The following CAST variants were observed in gnomAD, a reference collection of about 807,000 sequenced individuals.
CAST encodes the protein MIR583 host.
In CAST, 76 loss-of-function variants were observed where a neutral mutation model predicts 119.6. The ratio of observed to expected loss-of-function variants is 0.64; its 90% CI spans 0.53 to 0.77. The LOEUF (loss-of-function observed/expected upper bound fraction) is 0.77. Among genes scored for constraint, CAST ranks in the 30% least tolerant of loss-of-function variants. The probability of loss-of-function intolerance (pLI) is 0.00; values close to 1 mark genes in which losing one functional copy is unlikely to be tolerated. For missense variants in CAST, 953 were observed against 946.5 expected (o/e 1.01, Z -0.09); for synonymous variants, 319 against 331.6 (o/e 0.96, Z 0.41).
At chr5:96,476,105 C>A in the CAST span, among the ~76,000 whole-genome samples, 2 of 152,172 alleles carry the variant, frequency 1.3e-5, no homozygotes, top group African/African-American at 4.8e-5. Context: ...GCAATTTAAA[C>A]TAGAAGAAAC....
the CAST span, among the ~76,000 whole-genome samples, chr5:96,271,941 A>G: frequency 6.6e-6 from 1 of 152,206 alleles, no homozygotes; most frequent in African/African-American, 2.4e-5. Context: ...ATGTTTTAAA[A>G]TGGACAAGAG....
chr5:96,253,001 G>A, the CAST span, among the ~76,000 whole-genome samples: 1 of 152,016 alleles, frequency 6.6e-6, no homozygotes, highest in African/African-American at 2.4e-5. Flanking sequence ...AAAACATCAA[G>A]TCATATTTAA....
At chr5:96,582,054 C>T (rs1746779810) in intron 1 of CAST, among the ~76,000 whole-genome samples, 1 of 152,092 alleles carries the variant, frequency 6.6e-6, no homozygotes. Context: ...ATGTTCAATC[C>T]GAGGTCATAA....
At chr5:95,989,914 C>T in the CAST span, among the ~76,000 whole-genome samples, 2 of 152,114 alleles carry the variant, frequency 1.3e-5, no homozygotes, top group African/African-American at 4.8e-5. Flanking sequence ...ACAGTAATAA[C>T]TCTAACAAGG....
At chr5:96,110,916 A>G in the CAST span, 1 of 152,332 alleles carries the variant, frequency 6.6e-6, no homozygotes, top group African/African-American at 2.4e-5. Flanking sequence ...TCTGACACCA[A>G]GTATATGGAT....
chr5:96,161,099 A>C, the CAST span, among the ~76,000 whole-genome samples: 1 of 152,034 alleles, frequency 6.6e-6, no homozygotes, highest in Non-Finnish European at 1.5e-5. Context: ...GAAGCTCAAA[A>C]TTTTTTAAAT....
the CAST span, among the ~76,000 whole-genome samples, chr5:96,258,603 T>C: frequency 2.6e-5 from 4 of 152,140 alleles, no homozygotes; most frequent in African/African-American, 9.7e-5. Flanking sequence ...CCCCCCACCA[T>C]GTTTCTGGTA....
chr5:96,541,937 G>C (rs1185270492), intron 1 of CAST, among the ~76,000 whole-genome samples: 1 of 152,158 alleles, frequency 6.6e-6, no homozygotes, highest in Admixed American at 6.5e-5. Context: ...ATTCATGTGC[G>C]TGTTTTTGTG....
intron 4 of CAST, among the ~76,000 whole-genome samples, chr5:96,726,411 G>A (rs554721571): frequency 2.0e-5 from 3 of 152,098 alleles, no homozygotes; most frequent in Non-Finnish European, 4.4e-5. Context: ...TACAATTTTG[G>A]GGGGATTATG....
the CAST span, among the ~76,000 whole-genome samples, chr5:95,998,147 A>C: frequency 6.6e-6 from 1 of 151,774 alleles, no homozygotes; most frequent in Admixed American, 6.6e-5. Flanking sequence ...GTAGTGAGGT[A>C]TATTTTACAT....
chr5:96,315,712 A>T, the CAST span, among the ~76,000 whole-genome samples: 4 of 152,222 alleles, frequency 2.6e-5, no homozygotes, highest in Non-Finnish European at 5.9e-5. Flanking sequence ...GACCAATGGA[A>T]TAATAGCAGA....
chr5:96,394,259 T>C, the CAST span, among the ~76,000 whole-genome samples: 5 of 152,226 alleles, frequency 3.3e-5, no homozygotes, highest in African/African-American at 1.2e-4. Flanking sequence ...TTTCTCACCA[T>C]CTGATAGAAG....
At position 96,752,012 on chromosome 5, in the gene CAST, G is replaced by C. The variant is rs1452391195; in HGVS notation, c.1524+1330G>C. Among the ~76,000 whole-genome samples the C allele has an allele frequency of 3.3e-5, 5 of 152,328 alleles. 1 individual carries two copies. Among genetic ancestry groups the C allele is most frequent in the African/African-American group, 1.2e-4 (5 of 41,582 alleles). The stretch of plus-strand genomic sequence containing the variant: ...GGGATTGTGACACCCTCGAACGCCA[G>C]AAAGAATAGCTGTAGAGTGTAATAA... On this transcript the variant is annotated intron_variant, in intron 20 of 31. Transcript: ENST00000675179.
chr5:96,372,324 C>T, the CAST span, among the ~76,000 whole-genome samples: 14 of 152,214 alleles, frequency 9.2e-5, no homozygotes, highest in Middle Eastern at 6.8e-3. Flanking sequence ...TTCTTTTGCC[C>T]ATGAATCTGA....
At chr5:96,667,032 T>C (rs1327263391) in intron 1 of CAST, among the ~76,000 whole-genome samples, 2 of 152,014 alleles carry the variant, frequency 1.3e-5, no homozygotes, top group Non-Finnish European at 2.9e-5. Flanking sequence ...CCCAGAAAGC[T>C]TTACAGCCAC....
the CAST span, among the ~76,000 whole-genome samples, chr5:96,271,480 A>G: frequency 1.3e-5 from 2 of 152,146 alleles, no homozygotes; most frequent in Non-Finnish European, 2.9e-5. Flanking sequence ...TGACAAAGGC[A>G]TCAAAGACAT....
At chr5:96,295,992 TTACTA>T in the CAST span, among the ~76,000 whole-genome samples, 3 of 151,756 alleles carry the variant, frequency 2.0e-5, no homozygotes, top group African/African-American at 7.3e-5. Context: ...TCTTTGTACT[TTACTA>T]TATTTTTCAA....
intron 1 of CAST, among the ~76,000 whole-genome samples, chr5:96,576,430 C>T (rs1746670489): frequency 6.6e-6 from 1 of 152,034 alleles, no homozygotes; most frequent in Non-Finnish European, 1.5e-5. Flanking sequence ...CTGCAATCTC[C>T]TCCTTGGGGG....
chr5:96,442,791 CTGCTGCTGCTGT>C, the CAST span, among the ~76,000 whole-genome samples: 1 of 152,216 alleles, frequency 6.6e-6, no homozygotes, highest in South Asian at 2.1e-4. Context: ...TACCCTACCA[CTGCTGCTGCTGT>C]TGCTGCTGCT....
Sources: allele counts gnomAD v4.1 joint callset (sites outside exome capture counted in the v4.1 genomes callset), GRCh38; gene constraint gnomAD v4.1.1; transcripts MANE v1.5; gene names NCBI Gene and HGNC (gene_info 2026-07-23, HGNC 2026-07-21).